PDE11A: variants seen among roughly 807,000 people sequenced by gnomAD.
PDE11A encodes phosphodiesterase 11A, also known as dual 3',5'-cyclic-AMP and -GMP phosphodiesterase 11A.
Under a neutral mutation model 100.5 loss-of-function variants are expected in PDE11A, and 100 were observed. That is an observed-to-expected ratio of 1.00 (90% CI 0.85 to 1.18). The LOEUF is 1.18. Ranked by LOEUF, PDE11A falls within the 50% of genes most tolerant of loss-of-function variation. The pLI is 0.00. For missense variants in PDE11A, 1,141 were observed against 1,152.6 expected (o/e 0.99, Z 0.15); for synonymous variants, 381 against 420.8 (o/e 0.91, Z 1.16).
At chr2:177,989,525 C>T (rs1158990221) in intron 2 of PDE11A, among the ~76,000 whole-genome samples, 1 of 152,222 alleles carries the variant, frequency 6.6e-6, no homozygotes, top group African/African-American at 2.4e-5. Flanking sequence ...ACTCCACTCA[C>T]TGACCCACTG....
intron 9 of PDE11A, among the ~76,000 whole-genome samples, chr2:177,815,488 A>G (rs2083023113): frequency 6.6e-6 from 1 of 152,152 alleles, no homozygotes; most frequent in Non-Finnish European, 1.5e-5. Flanking sequence ...AAGATATTAC[A>G]TATAAACGAA....
intron 9 of PDE11A, among the ~76,000 whole-genome samples, chr2:177,774,789 T>C (rs6731237): frequency 0.088 from 13,455 of 152,244 alleles, 623 homozygotes; most frequent in Middle Eastern, 0.15. Flanking sequence ...GATTTTCCCA[T>C]ATGTGATAGA....
intron 6 of PDE11A, among the ~76,000 whole-genome samples, chr2:177,831,879 C>T (rs1458564092): frequency 6.6e-6 from 1 of 152,150 alleles, no homozygotes; most frequent in African/African-American, 2.4e-5. Context: ...TATACAAGTG[C>T]AACTGGCTTT....
At chr2:177,836,781 C>T (rs200246634) in intron 6 of PDE11A, among the ~76,000 whole-genome samples, 1 of 152,168 alleles carries the variant, frequency 6.6e-6, no homozygotes, top group Non-Finnish European at 1.5e-5. Context: ...ACGGGAGGAA[C>T]AAACAACTCC....
chr2:178,052,664 A>G (rs113188463), intron 1 of PDE11A, among the ~76,000 whole-genome samples: 2 of 152,204 alleles, frequency 1.3e-5, no homozygotes, highest in South Asian at 4.1e-4. Context: ...AGATGCAATA[A>G]AAAATGATAA....
intron 2 of PDE11A, among the ~76,000 whole-genome samples, chr2:177,911,525 T>C (rs2084880552): frequency 6.6e-6 from 1 of 152,160 alleles, no homozygotes; most frequent in Non-Finnish European, 1.5e-5. Context: ...TTTCCACCAG[T>C]GTTCCGCCCT....
chr2:177,759,988 A>G (rs1483523469), intron 10 of PDE11A, among the ~76,000 whole-genome samples: 2 of 152,224 alleles, frequency 1.3e-5, no homozygotes. Flanking sequence ...TAATAGCTGA[A>G]TCAAAAGAAA....
rs2081547273 is a variant in PDE11A, at chr2:177,722,626, A to AT, written c.2043+5031_2043+5032insA. On this transcript the variant is annotated intron_variant, in intron 12 of 19. Coordinates refer to ENST00000286063, the MANE Select transcript of PDE11A (RefSeq NM_016953.4). ...AAATGATTAAAAGACAGGAGTCTTA[A>AT]ATGTAATTTAAACACAGTATTCAAA... Among the ~76,000 whole-genome samples, 8 of 152,160 alleles carry AT rather than the reference A, an allele frequency of 5.3e-5. No individual in the cohort carries two copies. The South Asian group carries it at 1.7e-3, about 32-fold the overall frequency.
At chr2:177,909,629 ATTG>A (rs2084846506) in intron 2 of PDE11A, among the ~76,000 whole-genome samples, 2 of 152,046 alleles carry the variant, frequency 1.3e-5, no homozygotes, top group Non-Finnish European at 2.9e-5. Context: ...CATTACTACT[ATTG>A]TTATTATTAA....
intron 2 of PDE11A, among the ~76,000 whole-genome samples, chr2:178,085,119 G>T (rs746110561): frequency 5.3e-5 from 8 of 152,150 alleles, no homozygotes; most frequent in Non-Finnish European, 1.0e-4. Flanking sequence ...ATTAATAAAT[G>T]TTTTGTTGTT....
At chr2:177,693,167 C>A (rs200454825) in intron 15 of PDE11A, among the ~76,000 whole-genome samples, 1 of 152,214 alleles carries the variant, frequency 6.6e-6, no homozygotes, top group Non-Finnish European at 1.5e-5. Context: ...CCTCTCCTGC[C>A]ATTGCTGCTA....
intron 1 of PDE11A, among the ~76,000 whole-genome samples, chr2:178,057,580 G>A (rs2086913711): frequency 6.6e-6 from 1 of 152,158 alleles, no homozygotes; most frequent in African/African-American, 2.4e-5. Flanking sequence ...ATGAAATGCA[G>A]AATACATTTT....
chr2:177,954,973 A>G (rs1473228143), intron 2 of PDE11A, among the ~76,000 whole-genome samples: 2 of 152,188 alleles, frequency 1.3e-5, no homozygotes, highest in African/African-American at 2.4e-5. Context: ...ATGAGTACTA[A>G]AAAAGCAATA....
chr2:177,944,874 A>T (rs2085388035), intron 2 of PDE11A, among the ~76,000 whole-genome samples: 1 of 132,614 alleles, frequency 7.5e-6, no homozygotes, highest in Non-Finnish European at 1.6e-5. Flanking sequence ...TCTCCCTCTC[A>T]TGTGGAGCCA....
chr2:178,043,053 C>T (rs1011355181), intron 1 of PDE11A, among the ~76,000 whole-genome samples: 1 of 152,068 alleles, frequency 6.6e-6, no homozygotes, highest in Non-Finnish European at 1.5e-5. Context: ...GTTATAGTTT[C>T]TAACTGATAC....
chr2:178,069,075 C>T (rs890685913), intron 1 of PDE11A, among the ~76,000 whole-genome samples: 3 of 152,038 alleles, frequency 2.0e-5, no homozygotes, highest in Admixed American at 1.3e-4. Context: ...ATAAGGTAAA[C>T]AGAAAGAAAA....
chr2:177,646,089 G>C (rs1235146604), intron 19 of PDE11A, among the ~76,000 whole-genome samples: 4 of 152,196 alleles, frequency 2.6e-5, no homozygotes, highest in Non-Finnish European at 5.9e-5. Flanking sequence ...AGGCAGGAAT[G>C]TTAGTCTTTT....
chr2:177,781,507 T>C (rs1208826199), intron 9 of PDE11A, among the ~76,000 whole-genome samples: 2 of 135,798 alleles, frequency 1.5e-5, no homozygotes, highest in African/African-American at 6.5e-5. Flanking sequence ...TTCTTTTCTT[T>C]TTTTTTTTTT....
At chr2:177,774,582 TA>T (rs2082353908) in intron 9 of PDE11A, among the ~76,000 whole-genome samples, 1 of 152,202 alleles carries the variant, frequency 6.6e-6, no homozygotes, top group Admixed American at 6.5e-5. Context: ...ACCTTAACTG[TA>T]AATGTGGAAG....
Sources: allele counts gnomAD v4.1 joint callset (sites outside exome capture counted in the v4.1 genomes callset), GRCh38; gene constraint gnomAD v4.1.1; transcripts MANE v1.5; gene names NCBI Gene and HGNC (gene_info 2026-07-23, HGNC 2026-07-21).